FAT4: variants seen among roughly 807,000 people sequenced by gnomAD.
The protein encoded by FAT4 is FAT atypical cadherin 4, also known as protocadherin Fat 4.
A neutral mutation model predicts 303.9 loss-of-function variants in FAT4; 84 were observed. That is an observed-to-expected ratio of 0.28 (90% CI 0.23 to 0.33). The LOEUF (loss-of-function observed/expected upper bound fraction) is 0.33. Among genes scored for constraint, FAT4 ranks in the 10% least tolerant of loss-of-function variants. The probability of loss-of-function intolerance (pLI) is 1.00; values close to 1 mark genes in which losing one functional copy is unlikely to be tolerated. For synonymous variants in FAT4, 2,307 were observed against 2,298.8 expected, an observed-to-expected ratio of 1.00 and a Z score of -0.10; for missense variants, 6,005 against 6,146.8, an observed-to-expected ratio of 0.98 and a Z score of 0.77.
chr4:125,456,912 A>C (rs1266710542), intron 10 of FAT4, among the ~76,000 whole-genome samples: 2 of 152,104 alleles, frequency 1.3e-5, no homozygotes, highest in East Asian at 3.8e-4. Context: ...TGCCTTAGTA[A>C]AGCTTCACTT....
chr4:125,375,901 A>C (rs576903323), intron 2 of FAT4, among the ~76,000 whole-genome samples: 7 of 151,952 alleles, frequency 4.6e-5, no homozygotes, highest in Admixed American at 3.9e-4. Flanking sequence ...GCAAAACTGC[A>C]TTTTTTTTGC....
At chr4:125,365,873 C>T (rs947677880) in intron 2 of FAT4, among the ~76,000 whole-genome samples, 6 of 152,140 alleles carry the variant, frequency 3.9e-5, no homozygotes, top group African/African-American at 1.4e-4. Context: ...AACCCCGGGG[C>T]CACTGACCAG....
At position 125,451,165 on chromosome 4, in the gene FAT4, T is replaced by C. The variant is rs780130895; in HGVS notation, c.10155T>C (p.Gly3385=). The C allele has an allele frequency of 1.6e-5, 26 of 1,613,950 alleles. No individual in the cohort carries two copies. Among genetic ancestry groups the C allele is most frequent in the Non-Finnish European group, 2.0e-5 (24 of 1,180,002 alleles). ...VLAKNFGSIR[G]ADIDEVTVNV... ...CCAAGAACTTTGGCAGCATTAGAGG[T>C]GCAGATATAGATGAGGTCACTGTAA... Residue 3385 remains glycine (G), a synonymous_variant, in exon 10 of 18, where the codon GGT becomes GGC. Coordinates refer to ENST00000394329, the MANE Select transcript of FAT4 (RefSeq NM_001291303.3).
At chr4:125,438,246 A>G (rs1354712) in intron 8 of FAT4, among the ~76,000 whole-genome samples, 150,784 of 152,308 alleles carry the variant, frequency 0.99, 74,653 homozygotes, top group East Asian at 1. Flanking sequence ...TGAGTCATTC[A>G]TTTATTTCTA....
chr4:125,477,010 C>A (rs1434664723), intron 13 of FAT4, 145 bp from the exon 14 acceptor site: 3 of 494,710 alleles, frequency 6.1e-6, no homozygotes, highest in East Asian at 3.5e-5. Context: ...GTGTATTGGA[C>A]ACTCTTCTAC....
chr4:125,414,823 G>A (rs4605670), intron 5 of FAT4, 61 bp from the exon 6 acceptor site: 1 of 1,150,462 alleles, frequency 8.7e-7, no homozygotes, highest in Non-Finnish European at 1.3e-6. Context: ...AAAAGTTTTG[G>A]TATAGCTTGT....
intron 7 of FAT4, 100 bp downstream of exon 7, chr4:125,416,722 G>T (rs766932807): frequency 8.4e-7 from 1 of 1,188,404 alleles, no homozygotes; most frequent in Non-Finnish European, 1.2e-6. Flanking sequence ...AAGGTGGATG[G>T]ATTACTTGAG....
At chr4:125,421,023 C>T (rs918552298) in intron 7 of FAT4, among the ~76,000 whole-genome samples, 3 of 152,092 alleles carry the variant, frequency 2.0e-5, no homozygotes, top group African/African-American at 4.8e-5. Flanking sequence ...CTTCGCCTCC[C>T]GGGTTCAAAC....
At position 125,481,597 on chromosome 4, in the gene FAT4, G is replaced by T; in HGVS notation, c.12681G>T (p.Arg4227=). Residue 4227 remains arginine (R), a synonymous_variant, in exon 16 of 18, where the codon CGG becomes CGT. Transcript: ENST00000394329. ...LDYHMSQNEK[R]EYLLRQSLRG... ...ACCACATGAGTCAGAATGAGAAGCG[G>T]GAATATTTGTTAAGGCAAAGCTTAC... 1.2e-6 allele frequency: 2 copies of T among 1,614,044 alleles called. No homozygotes were observed. The highest frequency in any genetic ancestry group is 1.7e-6 in the Non-Finnish European group (2 of 1,179,950).
At chr4:125,351,021 G>A (rs1271554520) in intron 2 of FAT4, among the ~76,000 whole-genome samples, 3 of 151,666 alleles carry the variant, frequency 2.0e-5, no homozygotes, top group Non-Finnish European at 3.0e-5. Context: ...CTCAGCAGAA[G>A]ATTTCTGATT....
chr4:125,426,646 A>T (rs1308604327), intron 7 of FAT4, among the ~76,000 whole-genome samples: 4 of 152,036 alleles, frequency 2.6e-5, no homozygotes, highest in South Asian at 2.1e-4. Context: ...TGTTTTCTTA[A>T]GATAAAACTC....
intron 10 of FAT4, among the ~76,000 whole-genome samples, chr4:125,460,683 C>A (rs1301236315): frequency 6.6e-6 from 1 of 152,070 alleles, no homozygotes. Context: ...TCCAATCTGT[C>A]ATTTATCAGC....
intron 2 of FAT4, among the ~76,000 whole-genome samples, chr4:125,389,738 C>T (rs11942648): frequency 0.99 from 150,889 of 152,306 alleles, 74,751 homozygotes; most frequent in East Asian, 1. Context: ...CAAGATGAGA[C>T]AGTAAACTAT....
Position 125,447,203 on chromosome 4 carries a change from T to G in FAT4, c.7450+660T>G, listed in dbSNP as rs533889967. On this transcript the variant is annotated intron_variant, in intron 9 of 17. Coordinates refer to ENST00000394329, the MANE Select transcript of FAT4 (RefSeq NM_001291303.3). The stretch of plus-strand genomic sequence containing the variant: ...GCTAAGAAAGGCATACTCTAAGAAC[T>G]GCACAAATCTGCCATTTTAATTTTT... Among the ~76,000 whole-genome samples the G allele has an allele frequency of 1.2e-3, 180 of 152,206 alleles. 7 individuals carry two copies. In the South Asian group the frequency reaches 0.036, roughly 31 times the overall value.
intron 2 of FAT4, among the ~76,000 whole-genome samples, chr4:125,364,157 C>T (rs940019368): frequency 6.6e-6 from 1 of 151,928 alleles, no homozygotes; most frequent in Non-Finnish European, 1.5e-5. Context: ...TCTCTTCTCT[C>T]CACCCCATGT....
chr4:125,369,164 G>A (rs1733007562), intron 2 of FAT4, among the ~76,000 whole-genome samples: 1 of 152,102 alleles, frequency 6.6e-6, no homozygotes, highest in Non-Finnish European at 1.5e-5. Context: ...ATATTCTGTG[G>A]TTGGAGGGCT....
intron 2 of FAT4, among the ~76,000 whole-genome samples, chr4:125,337,260 C>G (rs1343705116): frequency 6.6e-6 from 1 of 151,930 alleles, no homozygotes; most frequent in Non-Finnish European, 1.5e-5. Context: ...TATAAGCAAA[C>G]AGTATTTTTG....
intron 2 of FAT4, among the ~76,000 whole-genome samples, chr4:125,388,034 C>T (rs1392699749): frequency 6.6e-6 from 1 of 152,164 alleles, no homozygotes; most frequent in Non-Finnish European, 1.5e-5. Context: ...AAAAACCTTC[C>T]AGCTGAGATT....
intron 3 of FAT4, among the ~76,000 whole-genome samples, chr4:125,401,668 T>A (rs1014439256): frequency 6.6e-6 from 1 of 151,972 alleles, no homozygotes; most frequent in Non-Finnish European, 1.5e-5. Flanking sequence ...AATTTAGATA[T>A]CATTTGAAAT....
Sources: allele counts gnomAD v4.1 joint callset (sites outside exome capture counted in the v4.1 genomes callset), GRCh38; gene constraint gnomAD v4.1.1; transcripts MANE v1.5; gene names NCBI Gene and HGNC (gene_info 2026-07-23, HGNC 2026-07-21).